TGM6: variants seen among roughly 807,000 people sequenced by gnomAD.
The protein encoded by TGM6 is protein-glutamine gamma-glutamyltransferase 6.
TGM6 carries 74 observed loss-of-function variants against 77.5 expected under a neutral mutation model. That is an observed-to-expected ratio of 0.96 (90% CI 0.79 to 1.16). TGM6 has a LOEUF of 1.16. TGM6 is among the 50% of genes most tolerant of loss of function. The pLI, the probability that TGM6 is intolerant of heterozygous loss-of-function variation, is 0.00. For synonymous variants in TGM6, 383 were observed against 378.9 expected (o/e 1.01, Z -0.12); for missense variants, 968 against 940.2 (o/e 1.03, Z -0.39).
chr20:2,400,561 T>C lies in TGM6; in HGVS notation c.989+117T>C, dbSNP rs370522634. 5.4e-6 allele frequency: 8 copies of C among 1,479,862 alleles called. No individual in the cohort carries two copies. In the African/African-American group the frequency reaches 9.7e-5, roughly 18 times the overall value. 91.7% of individuals were successfully genotyped at this position (1,479,862 alleles called of 1,614,324 possible). A position where few individuals can be genotyped will look rare whatever the true frequency, so the allele number is the denominator to read the frequency against. ...AGGCCCAGAGCCCAGCTCTCCTGAA[T>C]CTGAGCCGGCTCTGGAGGGAGTGAG... On this transcript the variant is annotated intron_variant, in intron 7 of 12. Coordinates refer to ENST00000202625, the MANE Select transcript of TGM6 (RefSeq NM_198994.3).
At chr20:2,401,173 G>A (rs76995236) in intron 7 of TGM6, among the ~76,000 whole-genome samples, 17,650 of 150,744 alleles carry the variant, frequency 0.12, 1,354 homozygotes, top group East Asian at 0.23. Context: ...ATGCCACTGC[G>A]CTCCAGCCTG....
In TGM6 at chr20:2,393,268, T is replaced by G. The variant is rs898159277; in HGVS notation, c.8-1184T>G. On this transcript the variant is annotated intron_variant, in intron 1 of 12. Transcript: ENST00000202625. ...ACAGGCAATATTCTGCCTCTTCATT[T>G]CAGCTGTCATACTATAAACAAATAA... Among the ~76,000 whole-genome samples the G allele has an allele frequency of 2.6e-5, 4 of 152,250 alleles. No individual in the cohort carries two copies. In the South Asian group the frequency reaches 8.3e-4, roughly 31 times the overall value.
intron 10 of TGM6, among the ~76,000 whole-genome samples, chr20:2,422,253 A>C (rs921897127): frequency 6.6e-6 from 1 of 152,216 alleles, no homozygotes; most frequent in Non-Finnish European, 1.5e-5. Context: ...ACATTTTGTA[A>C]AGAATGTAAG....
rs573015236 is a variant in TGM6, at chr20:2,400,690, C to T, written c.989+246C>T. ...GGCCTCAAGATTTGATTGCCTTGAA[C>T]GCCCGGTTCTACTCTGTCTGGGAAT... On this transcript the variant is annotated intron_variant, in intron 7 of 12. Transcript: ENST00000202625. 1.6e-4 allele frequency among the ~76,000 whole-genome samples: 24 copies of T among 148,692 alleles called. No individual in the cohort carries two copies. In the South Asian group the frequency reaches 4.0e-3, roughly 25 times the overall value.
chr20:2,432,490 C>T lies in TGM6; in HGVS notation c.1968C>T (p.Asp656=), dbSNP rs141258102. ...CCTTTCTCCCCTCCCCTTCCTCCAG[C>T]GTGCCTACCCTGGAGCCTCAGGAGA... The part of the protein sequence containing the change: ...SGLLQEQLSI[D]VPTLEPQERA... The change falls in exon 13 of 13, where the codon GAC becomes GAT. Residue 656 remains aspartate, a splice_region_variant and synonymous_variant. Coordinates refer to ENST00000202625, the MANE Select transcript of TGM6 (RefSeq NM_198994.3). 1.3e-4 allele frequency: 212 copies of T among 1,613,902 alleles called. No homozygotes were observed. The highest frequency in any genetic ancestry group is 1.6e-4 in the Non-Finnish European group (192 of 1,180,006).
intron 5 of TGM6, among the ~76,000 whole-genome samples, chr20:2,398,572 C>T (rs2084684912): frequency 1.3e-5 from 2 of 152,092 alleles, no homozygotes; most frequent in South Asian, 4.1e-4. Flanking sequence ...CCCACCCCCA[C>T]CTCCCTGCCC....
chr20:2,403,754 T>C lies in TGM6; in HGVS notation c.1267T>C (p.Cys423Arg). 2.5e-6 allele frequency: 4 copies of C among 1,614,154 alleles called. No individual in the cohort carries two copies. Among genetic ancestry groups the C allele is most frequent in the Non-Finnish European group, 3.4e-6 (4 of 1,180,040 alleles). Residue 423 changes from cysteine to arginine, a missense_variant, in exon 9 of 13, where the codon TGC becomes CGC. Physicochemically the swap from Cys to Arg is radical, Grantham distance 180 (BLOSUM62 -3). Transcript: ENST00000202625. Reference protein sequence around the residue: ...VYSNTKKIGRCISTKAVGSDS... With the variant: ...VYSNTKKIGRRISTKAVGSDS... ...CTCAAACACGAAGAAGATTGGGAGA[T>C]GCATCAGCACCAAGGCGGTGGGCAG...
intron 1 of TGM6, among the ~76,000 whole-genome samples, chr20:2,389,803 C>A (rs1250397450): frequency 2.6e-5 from 4 of 152,166 alleles, no homozygotes; most frequent in Admixed American, 2.6e-4. Flanking sequence ...AACAAGGCCA[C>A]TCCATAATCA....
At chr20:2,429,114 G>A (rs766034902) in intron 10 of TGM6, among the ~76,000 whole-genome samples, 4 of 152,030 alleles carry the variant, frequency 2.6e-5, no homozygotes, top group East Asian at 1.9e-4. Flanking sequence ...CGTGAGCCAC[G>A]GCACCCGGCC....
rs753428221 is a variant in TGM6 at position 2,400,412 on chromosome 20, G to A, written c.957G>A (p.Arg319=). ...ACAAATACGTGGACTCCTTCGGGCG[G>A]ACCCTGGAGGACCTGACAGAAGACA... ...SVDKYVDSFG[R]TLEDLTEDSM... The change falls in exon 7 of 13, where the codon CGG becomes CGA. Residue 319 remains arginine (R), a synonymous_variant. Coordinates refer to ENST00000202625, the MANE Select transcript of TGM6 (RefSeq NM_198994.3). 5.6e-6 allele frequency: 9 copies of A among 1,614,078 alleles called. No homozygotes were observed. In the African/African-American group the frequency reaches 6.7e-5, roughly 12 times the overall value.
At chr20:2,383,099 G>A (rs1479700837) in intron 1 of TGM6, among the ~76,000 whole-genome samples, 2 of 152,192 alleles carry the variant, frequency 1.3e-5, no homozygotes, top group African/African-American at 2.4e-5. Context: ...ATGGGGCAGT[G>A]GCCCCAGAAA....
intron 1 of TGM6, among the ~76,000 whole-genome samples, chr20:2,383,192 G>A (rs2122319224): frequency 6.6e-6 from 1 of 152,326 alleles, no homozygotes; most frequent in Middle Eastern, 3.4e-3. Context: ...TTATAATGGG[G>A]CCCATTAAAA....
intron 10 of TGM6, among the ~76,000 whole-genome samples, chr20:2,427,820 A>G (rs2084898308): frequency 6.6e-6 from 1 of 152,196 alleles, no homozygotes; most frequent in Non-Finnish European, 1.5e-5. Context: ...CAGTGGCACA[A>G]TCATGGCTCA....
chr20:2,396,086 AG>A (rs1244541395), intron 3 of TGM6, among the ~76,000 whole-genome samples: 1 of 151,640 alleles, frequency 6.6e-6, no homozygotes, highest in African/African-American at 2.4e-5. Flanking sequence ...AGGCTGAGGT[AG>A]GAGAATCACT....
rs772553007 is a variant in TGM6, at chr20:2,400,371, C to A, written c.916C>A (p.Gln306Lys). 1 of 1,614,214 alleles carries A rather than the reference C, an allele frequency of 6.2e-7. No homozygotes were observed. Among genetic ancestry groups the A allele is most frequent in the South Asian group, 1.1e-5 (1 of 91,082 alleles). Reference protein sequence around the residue: ...SNFNSAHDTDQNLSVDKYVDS... With the variant: ...SNFNSAHDTDKNLSVDKYVDS... ...CTTCAACTCAGCCCACGACACAGAC[C>A]AGAACCTGAGTGTGGACAAATACGT... Residue 306 changes from glutamine (Q) to lysine (K), a missense_variant, in exon 7 of 13, where the codon CAG becomes AAG. Gln to Lys is a moderately conservative substitution (Grantham distance 53). Transcript: ENST00000202625.
At chr20:2,401,085 G>A (rs1174088043) in intron 7 of TGM6, among the ~76,000 whole-genome samples, 1 of 151,748 alleles carries the variant, frequency 6.6e-6, no homozygotes, top group Non-Finnish European at 1.5e-5. Context: ...GGCGCCTGTA[G>A]TCCCAGCTAC....
In TGM6 at chr20:2,430,545, G is replaced by C; in HGVS notation, c.1778G>C (p.Gly593Ala). 6.2e-7 allele frequency: 1 copy of C among 1,614,206 alleles called. No homozygotes were observed. ...LLAAMCLVTKGEKLLVEKDIT... is the reference protein window; with the variant it reads ...LLAAMCLVTKAEKLLVEKDIT... ...GCTGCCATGTGCCTTGTCACCAAAG[G>C]AGAGAAGCTTCTGGTGGAGAAGGAC... is the stretch of plus-strand genomic sequence containing the variant. Residue 593 changes from glycine to alanine, a missense_variant, in exon 11 of 13, where the codon GGA becomes GCA. Coordinates refer to ENST00000202625, the MANE Select transcript of TGM6 (RefSeq NM_198994.3).
At chr20:2,381,631 T>C (rs1176500915) in intron 1 of TGM6, among the ~76,000 whole-genome samples, 4 of 152,042 alleles carry the variant, frequency 2.6e-5, no homozygotes, top group African/African-American at 4.8e-5. Context: ...ACTCAGAAAA[T>C]GTGGGTCGGG....
intron 1 of TGM6, among the ~76,000 whole-genome samples, chr20:2,386,613 A>T (rs2084598007): frequency 6.6e-6 from 1 of 152,176 alleles, no homozygotes; most frequent in Non-Finnish European, 1.5e-5. Flanking sequence ...TGGGACCATG[A>T]TCAAGTATCC....
Sources: gnomAD v4.1 joint callset for allele counts (sites outside exome capture counted in the v4.1 genomes callset) on GRCh38, gnomAD v4.1.1 for gene constraint, MANE v1.5 for transcripts, NCBI Gene and HGNC (gene_info 2026-07-23, HGNC 2026-07-21) for gene names.